The following SAXO1 variants were observed in gnomAD, a reference collection of about 807,000 sequenced individuals.
SAXO1 encodes 4930500O09Rik.
SAXO1 carries 21 observed loss-of-function variants against 17.5 expected under a neutral mutation model. The ratio of observed to expected loss-of-function variants is 1.20; its 90% CI spans 0.85 to 1.72. The LOEUF (loss-of-function observed/expected upper bound fraction) is 1.72, where lower values mean the gene tolerates loss of function less well. Ranked by LOEUF, SAXO1 falls within the 40% of genes most tolerant of loss-of-function variation. SAXO1 has a pLI of 0.00. For missense variants in SAXO1, 843 were observed against 596.0 expected, an observed-to-expected ratio of 1.41 and a Z score of -4.32; for synonymous variants, 274 against 216.5, an observed-to-expected ratio of 1.27 and a Z score of -2.33.
intron 1 of SAXO1, among the ~76,000 whole-genome samples, chr9:19,018,322 T>C (rs1835079208): frequency 1.3e-5 from 2 of 152,128 alleles, no homozygotes; most frequent in Non-Finnish European, 2.9e-5. Context: ...GATAGAGCAG[T>C]GGAAGAGAAA....
Position 19,018,639 on chromosome 9 carries a change from C to A in SAXO1, c.38+14232G>T, listed in dbSNP as rs56784233. Among the ~76,000 whole-genome samples the A allele has an allele frequency of 9.8e-3, 1,487 of 152,278 alleles. 27 individuals are homozygous for A. The highest frequency in any genetic ancestry group is 0.034 in the African/African-American group (1,393 of 41,552). On this transcript the variant is annotated intron_variant, in intron 1 of 3. Transcript: ENST00000380534. ...ATGAACTGCTACATGCAGACATAAT[C>A]AGGGGACGTTGTGGAAACAACAGAT...
At position 18,927,987 on chromosome 9, in the gene SAXO1, CAAAT is replaced by C; in HGVS notation, c.*61_*64del. 7.0e-7 allele frequency: 1 copy of C among 1,432,628 alleles called. No homozygotes were observed. Among genetic ancestry groups the C allele is most frequent in the East Asian group, 2.3e-5 (1 of 42,554 alleles). 88.7% of individuals were successfully genotyped at this position (1,432,628 alleles called of 1,614,324 possible). ...TTTTAGGGAATTCTTTTTTGTCCAA[CAAAT>C]AATTCTCAGTTGTCTGCTTTTAAAA... On this transcript the variant is annotated 3_prime_UTR_variant, in exon 4 of 4. Coordinates refer to ENST00000380534, the MANE Select transcript of SAXO1 (RefSeq NM_153707.4).
At chr9:18,976,875 CAAGTGA>C (rs1833173578) in intron 1 of SAXO1, among the ~76,000 whole-genome samples, 1 of 152,226 alleles carries the variant, frequency 6.6e-6, no homozygotes, top group Non-Finnish European at 1.5e-5. Context: ...CCAGCTACAC[CAAGTGA>C]AAGTCCTCAA....
At chr9:18,977,321 A>T (rs1209751610) in intron 1 of SAXO1, among the ~76,000 whole-genome samples, 1 of 152,188 alleles carries the variant, frequency 6.6e-6, no homozygotes, top group African/African-American at 2.4e-5. Flanking sequence ...CTCACTAGTA[A>T]TAATTTTATT....
intron 2 of SAXO1, chr9:18,947,734 G>T (rs1221240535): frequency 1.3e-5 from 2 of 152,178 alleles, no homozygotes; most frequent in East Asian, 3.8e-4. Flanking sequence ...CTACACCAGA[G>T]AATTACCAAG....
intron 1 of SAXO1, among the ~76,000 whole-genome samples, chr9:18,972,436 T>A (rs1832976162): frequency 6.6e-6 from 1 of 152,226 alleles, no homozygotes; most frequent in African/African-American, 2.4e-5. Flanking sequence ...AATACATTTG[T>A]ACACCTTCAA....
intron 1 of SAXO1, among the ~76,000 whole-genome samples, chr9:19,044,393 A>G (rs978024470): frequency 5.9e-5 from 9 of 152,184 alleles, no homozygotes; most frequent in Admixed American, 2.0e-4. Flanking sequence ...GATCTCTCCT[A>G]TTTCCAAGAA....
chr9:18,962,129 G>A (rs778630088), intron 1 of SAXO1, among the ~76,000 whole-genome samples: 9 of 152,056 alleles, frequency 5.9e-5, no homozygotes, highest in East Asian at 5.8e-4. Context: ...GTGTAATGGC[G>A]TAATCACTGC....
chr9:18,992,645 G>A (rs1198192716), intron 1 of SAXO1, among the ~76,000 whole-genome samples: 1 of 152,188 alleles, frequency 6.6e-6, no homozygotes, highest in African/African-American at 2.4e-5. Context: ...CCTCAGGGAG[G>A]CCAAAGTGAA....
intron 1 of SAXO1, among the ~76,000 whole-genome samples, chr9:19,013,540 A>ATTTTTTTTTTTTTTTTTTTTTTTTTTTT (rs1219136885): frequency 2.1e-5 from 2 of 93,204 alleles, no homozygotes; most frequent in African/African-American, 4.3e-5. Flanking sequence ...AAAAGTACGG[A>ATTTTTTTTTTTTTTTTTTTTTTTTTTTT]TTTTTTTTTT....
At chr9:18,977,135 T>C (rs1042425844) in intron 1 of SAXO1, among the ~76,000 whole-genome samples, 1 of 152,230 alleles carries the variant, frequency 6.6e-6, no homozygotes, top group Non-Finnish European at 1.5e-5. Context: ...CCTTCTCTTA[T>C]AAACTGGCAT....
intron 1 of SAXO1, among the ~76,000 whole-genome samples, chr9:18,975,686 C>T (rs1465463077): frequency 6.6e-6 from 1 of 152,180 alleles, no homozygotes; most frequent in Non-Finnish European, 1.5e-5. Context: ...AATTCATACA[C>T]TATGTAAATG....
intron 1 of SAXO1, among the ~76,000 whole-genome samples, chr9:18,952,885 A>G (rs1384385524): frequency 6.6e-6 from 1 of 152,234 alleles, no homozygotes; most frequent in Non-Finnish European, 1.5e-5. Context: ...TTAATAAAAT[A>G]TCTCCTAATT....
intron 1 of SAXO1, among the ~76,000 whole-genome samples, chr9:19,024,031 TTTTTTTTTTTTGC>T (rs1835366933): frequency 6.9e-6 from 1 of 144,802 alleles, no homozygotes; most frequent in Non-Finnish European, 1.5e-5. Context: ...TTTTTTTTTT[TTTTTTTTTTTTGC>T]GGGGGAAAAG....
At chr9:19,009,428 G>C (rs1376441721) in intron 1 of SAXO1, among the ~76,000 whole-genome samples, 2 of 152,104 alleles carry the variant, frequency 1.3e-5, no homozygotes, top group South Asian at 2.1e-4. Context: ...GGAATACCCG[G>C]AGATATAGCC....
intron 2 of SAXO1, among the ~76,000 whole-genome samples, chr9:18,942,432 A>G (rs1276852844): frequency 6.6e-6 from 1 of 151,464 alleles, no homozygotes; most frequent in African/African-American, 2.4e-5. Flanking sequence ...CCTTCCTTCC[A>G]CCCAACCCCT....
chr9:19,028,166 G>A lies in SAXO1; in HGVS notation c.38+4705C>T, dbSNP rs1835590696. On this transcript the variant is annotated intron_variant, in intron 1 of 3. Coordinates refer to ENST00000380534, the MANE Select transcript of SAXO1 (RefSeq NM_153707.4). The stretch of plus-strand genomic sequence containing the variant: ...GCAGGCCAGCCCCGGACTCGCGGCT[G>A]AAGTGCGCAATAAAAGATGGTTTAG... 6 of 1,417,838 alleles carry A rather than the reference G, an allele frequency of 4.2e-6. No homozygotes were observed. In the East Asian group the frequency reaches 1.4e-4, roughly 33 times the overall value. 87.8% of individuals were successfully genotyped at this position (1,417,838 alleles called of 1,614,324 possible). A position where few individuals can be genotyped will look rare whatever the true frequency, so the allele number is the denominator to read the frequency against.
At chr9:19,014,814 A>G (rs970406009) in intron 1 of SAXO1, among the ~76,000 whole-genome samples, 1 of 152,176 alleles carries the variant, frequency 6.6e-6, no homozygotes, top group Non-Finnish European at 1.5e-5. Flanking sequence ...GAGGCTCTAC[A>G]TGAAAAATAA....
intron 1 of SAXO1, among the ~76,000 whole-genome samples, chr9:18,979,676 G>T (rs2131816528): frequency 6.6e-6 from 1 of 152,272 alleles, no homozygotes; most frequent in Middle Eastern, 3.4e-3. Flanking sequence ...GGGCTGAGAG[G>T]ATAACAGCCT....
Sources: allele counts gnomAD v4.1 joint callset (sites outside exome capture counted in the v4.1 genomes callset), GRCh38; gene constraint gnomAD v4.1.1; transcripts MANE v1.5; gene names NCBI Gene and HGNC (gene_info 2026-07-23, HGNC 2026-07-21).